NEU1: variants seen among roughly 807,000 people sequenced by gnomAD.
NEU1 encodes the protein neuraminidase 1.
NEU1 carries 32 observed loss-of-function variants against 38.3 expected under a neutral mutation model. That is an observed-to-expected ratio of 0.84 (90% CI 0.63 to 1.12). The LOEUF (loss-of-function observed/expected upper bound fraction) is 1.12. Ranked by LOEUF, NEU1 falls within the 50% of genes most tolerant of loss-of-function variation. The pLI is 0.00. For synonymous variants in NEU1, 192 were observed against 225.2 expected, an observed-to-expected ratio of 0.85 and a Z score of 1.32; for missense variants, 431 against 549.2, an observed-to-expected ratio of 0.78 and a Z score of 2.15.
In NEU1 at chr6:31,860,558, C is replaced by T. The variant is rs769765227; in HGVS notation, c.679G>A (p.Gly227Arg). 1.5e-5 allele frequency: 24 copies of T among 1,614,046 alleles called. No individual in the cohort carries two copies. Among genetic ancestry groups the T allele is most frequent in the South Asian group, 4.4e-5 (4 of 91,082 alleles). Residue 227 changes from glycine to arginine, a missense_variant, in exon 4 of 6, where the codon GGA (glycine) becomes AGA (arginine). Physicochemically the swap from Gly to Arg is moderately radical, Grantham distance 125. Transcript: ENST00000375631. The surrounding 1 kb of genome is among the most constrained non-coding windows in gnomAD (Gnocchi z 4.8). ...VCGHGTLERD[G>R]VFCLLSDDHG... ...TCATCGCTGAGGAGACAGAAGACTCCGTCCCGCTCCAGCGTCCCATGGCCA... is the reference window on the plus strand; with the variant it reads ...TCATCGCTGAGGAGACAGAAGACTCTGTCCCGCTCCAGCGTCCCATGGCCA...
Position 31,861,250 on chromosome 6 carries a change from G to C in NEU1, c.553C>G (p.Arg185Gly), listed in dbSNP as rs776896240. The C allele has an allele frequency of 1.2e-6, 2 of 1,612,890 alleles. No homozygotes were observed. Among genetic ancestry groups the C allele is most frequent in the Non-Finnish European group, 1.7e-6 (2 of 1,180,024 alleles). ...GTGCCAATATCCAGGGAGAGATTCC[G>C]GGGTGTGCTCCAGGAAACACCATCA... ...KDDGVSWSTP[R>G]NLSLDIGTEV... Residue 185 changes from arginine (R) to glycine (G), a missense_variant, in exon 3 of 6, where the codon CGG (arginine) becomes GGG (glycine). Physicochemically the swap from Arg to Gly is moderately radical, Grantham distance 125. Transcript: ENST00000375631.
Position 31,860,105 on chromosome 6 carries a change from CA to C in NEU1, c.957del (p.Ala320GlnfsTer4). 6.2e-7 allele frequency: 1 copy of C among 1,613,068 alleles called. No individual in the cohort carries two copies. Among genetic ancestry groups the C allele is most frequent in the Non-Finnish European group, 8.5e-7 (1 of 1,180,032 alleles). On this transcript the variant is annotated frameshift_variant, in exon 5 of 6. Transcript: ENST00000375631. LOFTEE classifies it high-confidence loss of function. This position sits in a 1 kb window ranked among gnomAD's most constrained non-coding sequence, Gnocchi z 4.8. Reference sequence around the variant, plus strand: ...CCGGAGCTGGTGACTACAGCTCCTGCAGCTACCACAGGGTCCACGAGCTCAG... The same window carrying C: ...CCGGAGCTGGTGACTACAGCTCCTGCGCTACCACAGGGTCCACGAGCTCAG... ...FDPELVDPVV[A>X]AGAVVTSSGI...
At position 31,861,494 on chromosome 6, in the gene NEU1, G is replaced by A. The variant is rs1037632434; in HGVS notation, c.353-44C>T. The A allele has an allele frequency of 2.9e-5, 47 of 1,611,882 alleles. 2 individuals carry two copies. In the East Asian group the frequency reaches 1.0e-3, roughly 36 times the overall value. On this transcript the variant is annotated intron_variant, in intron 2 of 5. Coordinates refer to ENST00000375631, the MANE Select transcript of NEU1 (RefSeq NM_000434.4). ...AGAAACCCAGAGTGAGCACTCTGCAGGTACCCTTTCTACCACTTCCCGTTA... is the reference window on the plus strand; with the variant it reads ...AGAAACCCAGAGTGAGCACTCTGCAAGTACCCTTTCTACCACTTCCCGTTA...
At position 31,860,650 on chromosome 6, in the gene NEU1, A is replaced by G; in HGVS notation, c.616-29T>C. ...TGGGAAAGGGAACTGGGTGTCACAGAAGGAGACTCTAGGGGCTCAGAGGCA... is the reference window on the plus strand; with the variant it reads ...TGGGAAAGGGAACTGGGTGTCACAGGAGGAGACTCTAGGGGCTCAGAGGCA... On this transcript the variant is annotated intron_variant, in intron 3 of 5. Transcript: ENST00000375631. This position sits in a 1 kb window ranked among gnomAD's most constrained non-coding sequence, Gnocchi z 4.8. 1.2e-6 allele frequency: 2 copies of G among 1,612,206 alleles called. No homozygotes were observed. Among genetic ancestry groups the G allele is most frequent in the Non-Finnish European group, 1.7e-6 (2 of 1,179,756 alleles).
chr6:31,860,714 G>A lies in NEU1; in HGVS notation c.616-93C>T. On this transcript the variant is annotated intron_variant, in intron 3 of 5. Coordinates refer to ENST00000375631, the MANE Select transcript of NEU1 (RefSeq NM_000434.4). The surrounding 1 kb of genome is among the most constrained non-coding windows in gnomAD (Gnocchi z 4.8). ...CACCACTTCCCAAATGCAATCACAT[G>A]TATGGTCCCCTTGAGTTCAGCCCTT... 6 of 1,393,812 alleles carry A rather than the reference G, an allele frequency of 4.3e-6. 1 individual carries two copies. The South Asian group carries it at 5.8e-5, about 13-fold the overall frequency. 86.3% of individuals were successfully genotyped at this position (1,393,812 alleles called of 1,614,324 possible). A position where few individuals can be genotyped will look rare whatever the true frequency, so the allele number is the denominator to read the frequency against.
Position 31,862,209 on chromosome 6 carries a change from AG to A in NEU1, c.160-19del. 6.2e-7 allele frequency: 1 copy of A among 1,612,002 alleles called. No individual in the cohort carries two copies. The highest frequency in any genetic ancestry group is 1.1e-5 in the South Asian group (1 of 91,016). On this transcript the variant is annotated intron_variant, in intron 1 of 5. Coordinates refer to ENST00000375631, the MANE Select transcript of NEU1 (RefSeq NM_000434.4). The surrounding 1 kb of genome is among the most constrained non-coding windows in gnomAD (Gnocchi z 6.3). The stretch of plus-strand genomic sequence containing the variant: ...GGCTGCACCTGTCATGGGAGGAGGA[AG>A]GGTCAACAAAGACAAACTTGTCTTG...
At position 31,862,334 on chromosome 6, in the gene NEU1, G is replaced by T; in HGVS notation, c.160-143C>A. 9.8e-7 allele frequency: 1 copy of T among 1,024,822 alleles called. No individual in the cohort carries two copies. Among genetic ancestry groups the T allele is most frequent in the Admixed American group, 2.0e-5 (1 of 49,236 alleles). 63.5% of individuals were successfully genotyped at this position (1,024,822 alleles called of 1,614,324 possible). A position where few individuals can be genotyped will look rare whatever the true frequency, so the allele number is the denominator to read the frequency against. On this transcript the variant is annotated intron_variant, in intron 1 of 5. Transcript: ENST00000375631. This position sits in a 1 kb window ranked among gnomAD's most constrained non-coding sequence, Gnocchi z 6.3. ...AGAACAAGAAAGAGGAACACGAAGG[G>T]GAGTTTGGAGCGAAGCTGGAGGCTC...
rs1762444203 is a variant in NEU1 at position 31,860,092 on chromosome 6, A to G, written c.971T>C (p.Val324Ala). The G allele has an allele frequency of 6.2e-7, 1 of 1,612,980 alleles. No individual in the cohort carries two copies. The highest frequency in any genetic ancestry group is 1.7e-5 in the Admixed American group (1 of 60,022). The change falls in exon 5 of 6, where the codon GTC (valine) becomes GCC (alanine). Residue 324 changes from valine (V) to alanine (A), a missense_variant. By Grantham distance (64) the Val-to-Ala change is moderately conservative. Transcript: ENST00000375631. The surrounding 1 kb of genome is among the most constrained non-coding windows in gnomAD (Gnocchi z 4.8). Reference sequence around the variant, plus strand: ...GAAGAAGACAATGCCGGAGCTGGTGACTACAGCTCCTGCAGCTACCACAGG... The same window carrying G: ...GAAGAAGACAATGCCGGAGCTGGTGGCTACAGCTCCTGCAGCTACCACAGG... Reference protein sequence around the residue: ...VDPVVAAGAVVTSSGIVFFSN... With the variant: ...VDPVVAAGAVATSSGIVFFSN...
chr6:31,860,156 T>G lies in NEU1; in HGVS notation c.907A>C (p.Arg303=). 6.2e-7 allele frequency: 1 copy of G among 1,613,024 alleles called. No homozygotes were observed. Among genetic ancestry groups the G allele is most frequent in the Non-Finnish European group, 8.5e-7 (1 of 1,180,016 alleles). ...GGGTCGAAGGTCACATCACGGGGCC[T>G]TAGTGTATCACAGGCATCATAGCTG... ...LRSYDACDTL[R]PRDVTFDPEL... is the part of the protein sequence containing the mutation. Residue 303 remains arginine, a synonymous_variant, in exon 5 of 6, where the codon AGG becomes CGG. Coordinates refer to ENST00000375631, the MANE Select transcript of NEU1 (RefSeq NM_000434.4). This position sits in a 1 kb window ranked among gnomAD's most constrained non-coding sequence, Gnocchi z 4.8.
chr6:31,860,206 T>A lies in NEU1; in HGVS notation c.857A>T (p.His286Leu). 6.2e-7 allele frequency: 1 copy of A among 1,612,570 alleles called. No homozygotes were observed. The highest frequency in any genetic ancestry group is 1.1e-5 in the South Asian group (1 of 91,064). ...GCGGAGGACAATTCGGCAGTGGCAG[T>A]GGTAGTTGTTCTGGTTTCGGGCATT... ...VINARNQNNY[H>L]CHCRIVLRSY... Residue 286 changes from histidine (H) to leucine (L), a missense_variant, in exon 5 of 6, where the codon CAC (histidine) becomes CTC (leucine). His to Leu is a moderately conservative substitution (Grantham distance 99). Transcript: ENST00000375631. The surrounding 1 kb of genome is among the most constrained non-coding windows in gnomAD (Gnocchi z 4.8).
intron 2 of NEU1, chr6:31,861,768 G>C: frequency 6.4e-6 from 4 of 627,216 alleles, no homozygotes; most frequent in Non-Finnish European, 2.8e-6. Context: ...AATAGTGCCT[G>C]GTATAGGTAT....
Position 31,862,275 on chromosome 6 carries a change from T to C in NEU1, c.160-84A>G. On this transcript the variant is annotated intron_variant, in intron 1 of 5. Coordinates refer to ENST00000375631, the MANE Select transcript of NEU1 (RefSeq NM_000434.4). This position sits in a 1 kb window ranked among gnomAD's most constrained non-coding sequence, Gnocchi z 6.3. ...CCACGTTCCGATGGGAGAGGGAGGA[T>C]CTAATGGGGATCCCGAGTAGGGGAT... is the stretch of plus-strand genomic sequence containing the variant. 1 of 1,436,936 alleles carries C rather than the reference T, an allele frequency of 7.0e-7. No homozygotes were observed. The allele number at this position is 1,436,936 out of a possible 1,614,324, so 89.0% of individuals were successfully genotyped here.
rs886061288 is a variant in NEU1, at chr6:31,859,450, G to A, written c.*269C>T. 9 of 592,386 alleles carry A rather than the reference G, an allele frequency of 1.5e-5. No individual in the cohort carries two copies. Among genetic ancestry groups the A allele is most frequent in the Admixed American group, 2.7e-5 (1 of 36,372 alleles). The allele number at this position is 592,386 out of a possible 1,614,324, so 36.7% of individuals were successfully genotyped here. A position where few individuals can be genotyped will look rare whatever the true frequency, so the allele number is the denominator to read the frequency against. On this transcript the variant is annotated 3_prime_UTR_variant, in exon 6 of 6. Transcript: ENST00000375631. ...CCAAGACAGGACCAATCAATGTCCC[G>A]GGAGGGCAGAGAGGGTGGTGGGGCC...
At position 31,860,232 on chromosome 6, in the gene NEU1, G is replaced by A; in HGVS notation, c.831C>T (p.Ile277=). ...GGTAGTTGTTCTGGTTTCGGGCATTGATGACGACTGAGCCATCTGGGAGCT... is the reference window on the plus strand; with the variant it reads ...GGTAGTTGTTCTGGTTTCGGGCATTAATGACGACTGAGCCATCTGGGAGCT... ...PYELPDGSVV[I]NARNQNNYHC... Residue 277 remains isoleucine (I), a synonymous_variant, in exon 5 of 6, where the codon ATC becomes ATT. Transcript: ENST00000375631. The surrounding 1 kb of genome is among the most constrained non-coding windows in gnomAD (Gnocchi z 4.8). 1 of 1,613,070 alleles carries A rather than the reference G, an allele frequency of 6.2e-7. No homozygotes were observed. The highest frequency in any genetic ancestry group is 8.5e-7 in the Non-Finnish European group (1 of 1,180,018).
chr6:31,861,244 G>T lies in NEU1; in HGVS notation c.559C>A (p.Leu187Ile). The change falls in exon 3 of 6, where the codon CTC becomes ATC. Residue 187 changes from leucine to isoleucine, a missense_variant. Transcript: ENST00000375631. ...ACTTCAGTGCCAATATCCAGGGAGA[G>T]ATTCCGGGGTGTGCTCCAGGAAACA... is the stretch of plus-strand genomic sequence containing the variant. Reference protein sequence around the residue: ...DGVSWSTPRNLSLDIGTEVFA... With the variant: ...DGVSWSTPRNISLDIGTEVFA... 6.2e-7 allele frequency: 1 copy of T among 1,612,886 alleles called. No homozygotes were observed. Among genetic ancestry groups the T allele is most frequent in the Non-Finnish European group, 8.5e-7 (1 of 1,180,024 alleles).
rs960854597 is a variant in NEU1 at position 31,859,399 on chromosome 6, T to C, written c.*320A>G. 2.0e-6 allele frequency: 1 copy of C among 499,672 alleles called. No homozygotes were observed. Among genetic ancestry groups the C allele is most frequent in the Non-Finnish European group, 3.7e-6 (1 of 273,262 alleles). The allele number at this position is 499,672 out of a possible 1,614,324, so 31.0% of individuals were successfully genotyped here. A position where few individuals can be genotyped will look rare whatever the true frequency, so the allele number is the denominator to read the frequency against. ...CCCAGTTCCCTGAGTTCACATTGAT[T>C]CAATTCTACAGCTCACTAGACCTGC... On this transcript the variant is annotated 3_prime_UTR_variant, in exon 6 of 6. Transcript: ENST00000375631.
rs2151543247 is a variant in NEU1, at chr6:31,859,332, T to C, written c.*387A>G. The C allele has an allele frequency of 2.6e-6, 1 of 388,686 alleles. No homozygotes were observed. The highest frequency in any genetic ancestry group is 2.5e-5 in the South Asian group (1 of 39,784). 24.1% of individuals were successfully genotyped at this position (388,686 alleles called of 1,614,324 possible). A position where few individuals can be genotyped will look rare whatever the true frequency, so the allele number is the denominator to read the frequency against. On this transcript the variant is annotated 3_prime_UTR_variant, in exon 6 of 6. Transcript: ENST00000375631. ...CATCTGGGGACTTTCACCAGCCCTGTCGGTTATCTTACCGCAACACCAAAG... is the reference window on the plus strand; with the variant it reads ...CATCTGGGGACTTTCACCAGCCCTGCCGGTTATCTTACCGCAACACCAAAG...
In NEU1 at chr6:31,862,482, G is replaced by A; in HGVS notation, c.159+136C>T. ...CGGAGAGGGAGAGGGGCTGGGAGCG[G>A]TAGGAGGAAACGGGGTCTGGGAGAA... On this transcript the variant is annotated intron_variant, in intron 1 of 5. Transcript: ENST00000375631. This position sits in a 1 kb window ranked among gnomAD's most constrained non-coding sequence, Gnocchi z 6.3. 1 of 1,258,680 alleles carries A rather than the reference G, an allele frequency of 7.9e-7. No individual in the cohort carries two copies. Among genetic ancestry groups the A allele is most frequent in the Non-Finnish European group, 1.1e-6 (1 of 881,800 alleles). 78.0% of individuals were successfully genotyped at this position (1,258,680 alleles called of 1,614,324 possible). A position where few individuals can be genotyped will look rare whatever the true frequency, so the allele number is the denominator to read the frequency against.
chr6:31,857,720 G>C lies in NEU1; in HGVS notation c.*1999C>G, dbSNP rs1428301686. 1 of 151,868 alleles carries C rather than the reference G, an allele frequency of 6.6e-6. No homozygotes were observed. The highest frequency in any genetic ancestry group is 1.5e-5 in the Non-Finnish European group (1 of 67,978). 9.4% of individuals were successfully genotyped at this position (151,868 alleles called of 1,614,324 possible). A position where few individuals can be genotyped will look rare whatever the true frequency, so the allele number is the denominator to read the frequency against. ...GATTCTTTTCATAAGCATCTGCCTGGGGAATATTTTCTTACATAATTTGCC... is the reference window on the plus strand; with the variant it reads ...GATTCTTTTCATAAGCATCTGCCTGCGGAATATTTTCTTACATAATTTGCC... On this transcript the variant is annotated 3_prime_UTR_variant, in exon 6 of 6. Transcript: ENST00000375631.
Sources: allele counts gnomAD v4.1 joint callset, GRCh38; gene constraint gnomAD v4.1.1; non-coding constraint Gnocchi (gnomAD v3.1); transcripts MANE v1.5; gene names NCBI Gene and HGNC (gene_info 2026-07-23, HGNC 2026-07-21).